ANXA3: variants seen among roughly 807,000 people sequenced by gnomAD.
ANXA3 encodes annexin A3.
In ANXA3, 46 loss-of-function variants were observed where a neutral mutation model predicts 48.8. The observed-to-expected ratio is 0.94, with a 90% confidence interval of 0.74 to 1.21. The LOEUF is 1.21. ANXA3 is among the 50% of genes most tolerant of loss of function. ANXA3 has a pLI of 0.00. For missense variants in ANXA3, 383 were observed against 378.6 expected, an observed-to-expected ratio of 1.01 and a Z score of -0.10; for synonymous variants, 128 against 134.7, an observed-to-expected ratio of 0.95 and a Z score of 0.35.
At chr4:78,573,089 T>C (rs1578394399) in intron 2 of ANXA3, 91 bp from the exon 3 acceptor site, 2 of 970,124 alleles carry the variant, frequency 2.1e-6, no homozygotes, top group Non-Finnish European at 3.3e-6. Context: ...GGGTTTGTCA[T>C]ATGCCTCTCA....
intron 2 of ANXA3, among the ~76,000 whole-genome samples, chr4:78,562,303 A>C (rs1184696452): frequency 6.6e-6 from 1 of 152,246 alleles, no homozygotes; most frequent in Non-Finnish European, 1.5e-5. Flanking sequence ...AGAATAAATC[A>C]AAAGAGGAGA....
chr4:78,579,176 G>A (rs920331696), intron 4 of ANXA3, 55 bp downstream of exon 4: 21 of 1,239,634 alleles, frequency 1.7e-5, no homozygotes, highest in Admixed American at 1.7e-5. Context: ...TACCATGGTC[G>A]CTCCCACATG....
intron 2 of ANXA3, among the ~76,000 whole-genome samples, chr4:78,561,478 A>G (rs1164866718): frequency 6.6e-6 from 1 of 152,104 alleles, no homozygotes; most frequent in Non-Finnish European, 1.5e-5. Flanking sequence ...CCTGGGTTCA[A>G]AGAGTTTGTG....
chr4:78,601,692 T>C (rs1723546254), intron 11 of ANXA3, 124 bp downstream of exon 11: 4 of 804,522 alleles, frequency 5.0e-6, no homozygotes, highest in South Asian at 3.7e-5. Context: ...TTAAGATAAA[T>C]TATATTACAG....
chr4:78,589,596 G>A (rs1723249225), intron 6 of ANXA3, among the ~76,000 whole-genome samples: 1 of 152,126 alleles, frequency 6.6e-6, no homozygotes, highest in African/African-American at 2.4e-5. Context: ...CTACCACATG[G>A]TGTTTGTCTA....
chr4:78,594,025 C>T (rs952686644), intron 7 of ANXA3, among the ~76,000 whole-genome samples: 1 of 151,960 alleles, frequency 6.6e-6, no homozygotes, highest in Non-Finnish European at 1.5e-5. Flanking sequence ...AGAGTAGTTT[C>T]ACTGTCCTAA....
At chr4:78,586,437 GAGGCA>G in intron 6 of ANXA3, 87 bp downstream of exon 6, 1 of 914,580 alleles carries the variant, frequency 1.1e-6, no homozygotes, top group South Asian at 1.6e-5. Context: ...ATCTCTTCAT[GAGGCA>G]TTTTGAGAAG....
chr4:78,595,524 A>T (rs551045479), intron 8 of ANXA3, 87 bp downstream of exon 8: 21 of 1,349,034 alleles, frequency 1.6e-5, no homozygotes, highest in Non-Finnish European at 2.1e-5. Context: ...GAAAAATAGC[A>T]GCAACAGGGA....
At chr4:78,597,019 G>C (rs1056975332) in intron 9 of ANXA3, 3 of 218,860 alleles carry the variant, frequency 1.4e-5, no homozygotes, top group African/African-American at 7.1e-5. Context: ...CAACTTACTG[G>C]ATAAATTATT....
intron 12 of ANXA3, among the ~76,000 whole-genome samples, chr4:78,609,068 T>A (rs895553750): frequency 3.9e-5 from 6 of 152,220 alleles, no homozygotes; most frequent in South Asian, 2.1e-4. Flanking sequence ...TATTGTCATA[T>A]ATTTTGTGAA....
intron 9 of ANXA3, among the ~76,000 whole-genome samples, chr4:78,596,847 A>G (rs1056411502): frequency 1.3e-5 from 2 of 152,226 alleles, no homozygotes; most frequent in African/African-American, 4.8e-5. Flanking sequence ...CAAGAAATTC[A>G]AATGCCTTCT....
intron 1 of ANXA3, among the ~76,000 whole-genome samples, chr4:78,552,929 AG>A (rs1426562959): frequency 3.3e-5 from 5 of 152,240 alleles, no homozygotes; most frequent in Non-Finnish European, 5.9e-5. Context: ...ACCGTAGAGG[AG>A]GAAGTAAAAG....
chr4:78,568,665 A>G (rs564072215), intron 2 of ANXA3, among the ~76,000 whole-genome samples: 1 of 152,348 alleles, frequency 6.6e-6, no homozygotes, highest in East Asian at 1.9e-4. Flanking sequence ...TCTTGCAAAC[A>G]CAGTACACTT....
intron 2 of ANXA3, among the ~76,000 whole-genome samples, chr4:78,559,184 A>T (rs954405151): frequency 1.3e-5 from 2 of 151,994 alleles, no homozygotes; most frequent in Non-Finnish European, 2.9e-5. Flanking sequence ...GGCTCAAGCG[A>T]TCCTACTGCC....
In ANXA3 at chr4:78,574,892, T is replaced by C. The variant is rs1276595891; in HGVS notation, c.103+1625T>C. Among the ~76,000 whole-genome samples the C allele has an allele frequency of 4.6e-5, 7 of 152,214 alleles. No individual in the cohort carries two copies. In the South Asian group the frequency reaches 1.2e-3, roughly 27 times the overall value. ...TATGACAAGAACTGGAATTTCCACA[T>C]TGATGGGGATGCTTCTCTTCAAATC... On this transcript the variant is annotated intron_variant, in intron 3 of 12. Coordinates refer to ENST00000264908, the MANE Select transcript of ANXA3 (RefSeq NM_005139.3).
At chr4:78,566,035 C>G (rs1312797178) in intron 2 of ANXA3, among the ~76,000 whole-genome samples, 1 of 152,114 alleles carries the variant, frequency 6.6e-6, no homozygotes, top group Non-Finnish European at 1.5e-5. Context: ...CCACTTTCCA[C>G]TTTAGAATTG....
intron 2 of ANXA3, among the ~76,000 whole-genome samples, chr4:78,565,025 G>A (rs1019760808): frequency 1.4e-5 from 2 of 138,396 alleles, no homozygotes; most frequent in African/African-American, 2.7e-5. Context: ...ATGGAGTCTC[G>A]CTCTGTTGCA....
intron 11 of ANXA3, chr4:78,602,012 G>A (rs1283878733): frequency 6.5e-6 from 1 of 153,440 alleles, no homozygotes; most frequent in African/African-American, 2.4e-5. Flanking sequence ...GGAGGCCCAG[G>A]CGGGTGGATC....
intron 2 of ANXA3, among the ~76,000 whole-genome samples, chr4:78,564,991 AT>A (rs55971305): frequency 0.52 from 61,702 of 118,196 alleles, 16,551 homozygotes; most frequent in Non-Finnish European, 0.65. Context: ...TCTGACTTAG[AT>A]TTTTTTTTTT....
Sources: gnomAD v4.1 joint callset for allele counts (sites outside exome capture counted in the v4.1 genomes callset) on GRCh38, gnomAD v4.1.1 for gene constraint, MANE v1.5 for transcripts, NCBI Gene and HGNC (gene_info 2026-07-23, HGNC 2026-07-21) for gene names.